SP110: variants seen among roughly 807,000 people sequenced by gnomAD.
The protein encoded by SP110 is SP110 nuclear body protein.
SP110 carries 62 observed loss-of-function variants against 92.7 expected under a neutral mutation model. That is an observed-to-expected ratio of 0.67 (90% CI 0.55 to 0.83). The LOEUF (loss-of-function observed/expected upper bound fraction) is 0.83, where lower values mean the gene tolerates loss of function less well. Among genes scored for constraint, SP110 ranks in the 40% least tolerant of loss-of-function variants. The pLI, the probability that SP110 is intolerant of heterozygous loss-of-function variation, is 0.00. For synonymous variants in SP110, 273 were observed against 305.3 expected (o/e 0.89, Z 1.10); for missense variants, 793 against 863.9 (o/e 0.92, Z 1.03).
At chr2:230,174,643 G>A (rs368546097) in intron 14 of SP110, among the ~76,000 whole-genome samples, 3 of 152,354 alleles carry the variant, frequency 2.0e-5, no homozygotes, top group Non-Finnish European at 2.9e-5. Context: ...TTCTGGAGAC[G>A]GAGGCTCTCA....
intron 4 of SP110, 31 bp downstream of exon 4, chr2:230,212,730 A>G (rs1000358789): frequency 3.7e-6 from 6 of 1,612,966 alleles, no homozygotes; most frequent in Non-Finnish European, 5.1e-6. Flanking sequence ...GGCTGAGGAT[A>G]TACAGGTGTT....
intron 17 of SP110, 183 bp downstream of exon 17, chr2:230,171,513 G>A (rs1009016850): frequency 2.0e-5 from 13 of 648,376 alleles, no homozygotes; most frequent in African/African-American, 3.6e-5. Context: ...GTGGGGTGGA[G>A]TTTGAACCAG....
intron 14 of SP110, chr2:230,176,726 T>C (rs1323662937): frequency 1.2e-6 from 2 of 1,614,126 alleles, no homozygotes; most frequent in Non-Finnish European, 1.7e-6. Context: ...AAGTCCACTC[T>C]GAAAGACAGA....
Position 230,215,017 on chromosome 2 carries a change from T to C in SP110, c.249A>G (p.Thr83=), listed in dbSNP as rs572158150. 5 of 1,613,892 alleles carry C rather than the reference T, an allele frequency of 3.1e-6. No individual in the cohort carries two copies. The highest frequency in any genetic ancestry group is 1.7e-4 in the Middle Eastern group (1 of 6,060). Residue 83 remains threonine (T), a synonymous_variant, in exon 3 of 19, where the codon ACA becomes ACG. Coordinates refer to ENST00000258381, the MANE Select transcript of SP110 (RefSeq NM_080424.4). The part of the protein sequence containing the change: ...ERTFNLSLLV[T]LFSQINLREY... ...CACGCAGGTTAATTTGACTGAACAA[T>C]GTCACCAGAAGAGACAGGTTAAAAG...
Position 230,212,770 on chromosome 2 carries a change from T to G in SP110, c.574A>C (p.Ser192Arg). The G allele has an allele frequency of 9.9e-6, 16 of 1,614,130 alleles. No homozygotes were observed. The highest frequency in any genetic ancestry group is 1.4e-5 in the Non-Finnish European group (16 of 1,180,016). ...GGGATCTGTTTCTCACCTGAAGTGC[T>G]TCTTCCTTCCTGGATGAGTGCAGGG... ...PLPALIQEGR[S>R]TSVTNDKLTS... The change falls in exon 4 of 19, where the codon AGC becomes CGC. Residue 192 changes from serine (S) to arginine (R), a missense_variant. By Grantham distance (110) the Ser-to-Arg change is moderately radical. Coordinates refer to ENST00000258381, the MANE Select transcript of SP110 (RefSeq NM_080424.4).
At chr2:230,181,722 T>G (rs12615975) in intron 12 of SP110, among the ~76,000 whole-genome samples, 11,863 of 152,250 alleles carry the variant, frequency 0.078, 652 homozygotes, top group South Asian at 0.25. Context: ...CACTGAGCAT[T>G]AGAGAGCTGC....
At chr2:230,176,795 A>G in intron 14 of SP110, 2 of 1,487,862 alleles carry the variant, frequency 1.3e-6, no homozygotes, top group Non-Finnish European at 1.9e-6. Flanking sequence ...TGGCCTTCCC[A>G]CTTCCTAGTG....
intron 8 of SP110, among the ~76,000 whole-genome samples, chr2:230,204,989 G>C (rs949042083): frequency 2.6e-5 from 4 of 152,206 alleles, no homozygotes. Context: ...TTAATAGTTG[G>C]AGGGTAAGGC....
At chr2:230,207,814 C>T (rs2044035568) in intron 8 of SP110, among the ~76,000 whole-genome samples, 177 bp downstream of exon 8, 1 of 152,168 alleles carries the variant, frequency 6.6e-6, no homozygotes. Context: ...TTTCCCAGCT[C>T]CAACTCATTC....
At position 230,206,595 on chromosome 2, in the gene SP110, T is replaced by TTTTA. The variant is rs1317441117; in HGVS notation, c.898+1395_898+1396insTAAA. ...TATTATATATTATCTGGTCCAGATT[T>TTTTA]TATATATATATATATATATATATAT... On this transcript the variant is annotated intron_variant, in intron 8 of 18. Transcript: ENST00000258381. 1.8e-3 allele frequency among the ~76,000 whole-genome samples: 125 copies of TTTTA among 70,492 alleles called. 1 individual carries two copies. The highest frequency in any genetic ancestry group is 3.0e-3 in the Non-Finnish European group (106 of 35,164). The allele number at this position is 70,492 out of a possible 152,430, so 46.2% of individuals were successfully genotyped here. A position where few individuals can be genotyped will look rare whatever the true frequency, so the allele number is the denominator to read the frequency against.
chr2:230,178,097 C>T (rs2041949185), intron 13 of SP110, 60 bp downstream of exon 13: 3 of 1,026,004 alleles, frequency 2.9e-6, no homozygotes, highest in Non-Finnish European at 4.6e-6. Context: ...GGGTATTTTC[C>T]TCCCTTCTAG....
intron 10 of SP110, among the ~76,000 whole-genome samples, chr2:230,190,752 T>G (rs1204251008): frequency 1.3e-5 from 2 of 152,164 alleles, no homozygotes; most frequent in Non-Finnish European, 2.9e-5. Context: ...GAGGAAGGGG[T>G]CCAGTTTCAG....
chr2:230,205,619 G>C (rs1222958358), intron 8 of SP110, among the ~76,000 whole-genome samples: 1 of 152,058 alleles, frequency 6.6e-6, no homozygotes, highest in Non-Finnish European at 1.5e-5. Context: ...TCTGTCTTCA[G>C]CTTTCAGAAT....
intron 8 of SP110, among the ~76,000 whole-genome samples, chr2:230,205,163 T>C (rs1384497965): frequency 1.3e-5 from 2 of 152,208 alleles, no homozygotes; most frequent in African/African-American, 2.4e-5. Context: ...AATATGCTAA[T>C]AGAGTTCAGT....
intron 1 of SP110, among the ~76,000 whole-genome samples, chr2:230,217,870 T>C (rs2045397918): frequency 6.6e-6 from 1 of 152,218 alleles, no homozygotes; most frequent in East Asian, 1.9e-4. Flanking sequence ...CCTGGTAATA[T>C]TTGGAAACTT....
chr2:230,176,609 G>A (rs1038282207), intron 14 of SP110: 5 of 1,613,442 alleles, frequency 3.1e-6, no homozygotes, highest in Non-Finnish European at 4.2e-6. Context: ...AAGCTCTAAG[G>A]TGAGCCTCCA....
rs200651686 is a variant in SP110 at position 230,213,016 on chromosome 2, A to G, written c.328T>C (p.Tyr110His). 9.3e-5 allele frequency: 150 copies of G among 1,614,014 alleles called. 1 individual carries two copies. The African/African-American group carries it at 1.5e-3, about 16-fold the overall frequency. The change falls in exon 4 of 19, where the codon TAT becomes CAT. Residue 110 changes from tyrosine (Y) to histidine (H), a missense_variant. Coordinates refer to ENST00000258381, the MANE Select transcript of SP110 (RefSeq NM_080424.4). ...YRSFKRVGAS[Y>H]EWQSRDTPIL... is the part of the protein sequence containing the mutation. ...GGTGTGTCTCTGCTCTGCCATTCAT[A>G]GGAAGCACCAACTGGGATTGGTGAA... is the stretch of plus-strand genomic sequence containing the variant.
Position 230,202,590 on chromosome 2 carries a change from G to A in SP110, c.1037C>T (p.Ser346Leu), listed in dbSNP as rs1574675911. The A allele has an allele frequency of 5.0e-6, 8 of 1,614,062 alleles. No homozygotes were observed. Among genetic ancestry groups the A allele is most frequent in the Non-Finnish European group, 6.8e-6 (8 of 1,179,996 alleles). ...QKARTECARK[S>L]RSEEIIDGTS... is the part of the protein sequence containing the mutation. Reference sequence around the variant, plus strand: ...ATCATCAGCCTTACCCTCTGATCTCGACTTTCGGGCACATTCAGTTCTCGC... The same window carrying A: ...ATCATCAGCCTTACCCTCTGATCTCAACTTTCGGGCACATTCAGTTCTCGC... Residue 346 changes from serine to leucine, a missense_variant, in exon 9 of 19, where the codon TCG (serine) becomes TTG (leucine). By Grantham distance (145) the Ser-to-Leu change is moderately radical (BLOSUM62 -2). Transcript: ENST00000258381.
chr2:230,200,684 A>G, intron 10 of SP110: 1 of 613,758 alleles, frequency 1.6e-6, no homozygotes, highest in Non-Finnish European at 2.9e-6. Flanking sequence ...ATACATATGG[A>G]CACATTACAT....
Sources: gnomAD v4.1 joint callset for allele counts (sites outside exome capture counted in the v4.1 genomes callset) on GRCh38, gnomAD v4.1.1 for gene constraint, MANE v1.5 for transcripts, NCBI Gene and HGNC (gene_info 2026-07-23, HGNC 2026-07-21) for gene names.